PRELID2: variants seen among roughly 807,000 people sequenced by gnomAD.
PRELID2 encodes PRELI domain-containing protein 2.
Under a neutral mutation model 28.4 loss-of-function variants are expected in PRELID2, and 25 were observed. The observed-to-expected ratio is 0.88, with a 90% CI of 0.64 to 1.23. The LOEUF (loss-of-function observed/expected upper bound fraction) is 1.23, where lower values mean the gene tolerates loss of function less well. PRELID2 is among the 50% of genes most tolerant of loss of function. PRELID2 has a pLI of 0.00. For missense variants in PRELID2, 201 were observed against 214.4 expected, an observed-to-expected ratio of 0.94 and a Z score of 0.39; for synonymous variants, 76 against 71.6, an observed-to-expected ratio of 1.06 and a Z score of -0.31.
rs1350926723 is a variant in PRELID2 at position 145,821,973 on chromosome 5, C to T, written c.133+1104G>A. Among the ~76,000 whole-genome samples the T allele has an allele frequency of 2.6e-5, 4 of 152,254 alleles. No homozygotes were observed. The East Asian group carries it at 7.7e-4, about 29-fold the overall frequency. On this transcript the variant is annotated intron_variant, in intron 2 of 6. Transcript: ENST00000683046. ...GTCTGATGACAAATAATAAGTTTCTCTCACACTGCAGGTACATGAGAAAAT... is the reference window on the plus strand; with the variant it reads ...GTCTGATGACAAATAATAAGTTTCTTTCACACTGCAGGTACATGAGAAAAT...
chr5:145,364,868 G>A, the PRELID2 span, among the ~76,000 whole-genome samples: 1,065 of 151,998 alleles, frequency 7.0e-3, 3 homozygotes, highest in Non-Finnish European at 0.011. Context: ...AAGTCCTATC[G>A]AAAAGGATTT....
intron 1 of PRELID2, among the ~76,000 whole-genome samples, chr5:145,497,567 AG>A (rs1752319737): frequency 6.6e-6 from 1 of 152,128 alleles, no homozygotes; most frequent in Non-Finnish European, 1.5e-5. Context: ...TATTGTTTTC[AG>A]GGTTCCAGGT....
At chr5:145,831,833 T>G (rs1209433989) in intron 1 of PRELID2, among the ~76,000 whole-genome samples, 1 of 152,250 alleles carries the variant, frequency 6.6e-6, no homozygotes, top group Non-Finnish European at 1.5e-5. Context: ...TTATTCACTA[T>G]GTACCAGGTA....
chr5:145,440,967 A>G, the PRELID2 span: 1 of 152,110 alleles, frequency 6.6e-6, no homozygotes, highest in Admixed American at 6.6e-5. Flanking sequence ...GAAAATCATG[A>G]TGAGCAGTGT....
intron 1 of PRELID2, among the ~76,000 whole-genome samples, chr5:145,568,653 T>A (rs62392711): frequency 2.0e-5 from 3 of 152,214 alleles, no homozygotes; most frequent in Non-Finnish European, 2.9e-5. Flanking sequence ...AGAAAGATAG[T>A]GTTTGCTATT....
intron 1 of PRELID2, among the ~76,000 whole-genome samples, chr5:145,827,804 A>G (rs759657926): frequency 3.9e-5 from 6 of 152,178 alleles, no homozygotes; most frequent in Non-Finnish European, 7.4e-5. Context: ...ACCGTCCTAC[A>G]CTGCAGGACA....
In PRELID2 at chr5:145,582,963, C is replaced by T. The variant is rs975027567; in HGVS notation, n.71-109648G>A. Among the ~76,000 whole-genome samples the T allele has an allele frequency of 2.0e-5, 3 of 152,084 alleles. No homozygotes were observed. The South Asian group carries it at 6.2e-4, about 31-fold the overall frequency. On this transcript the variant is annotated intron_variant and non_coding_transcript_variant, in intron 1 of 2. Coordinates refer to the PRELID2 transcript ENST00000510259. Reference sequence around the variant, plus strand: ...TATGAGGCCAGCTTAATCCTGATACCAGCACCTAGCAGAGATGCAATTTAT... The same window carrying T: ...TATGAGGCCAGCTTAATCCTGATACTAGCACCTAGCAGAGATGCAATTTAT...
intron 1 of PRELID2, among the ~76,000 whole-genome samples, chr5:145,602,217 G>A (rs1468292566): frequency 6.6e-6 from 1 of 152,142 alleles, no homozygotes; most frequent in Non-Finnish European, 1.5e-5. Flanking sequence ...TGCTTTAGGT[G>A]ACCTCACAAA....
At chr5:145,529,183 A>C (rs777715261) in intron 1 of PRELID2, among the ~76,000 whole-genome samples, 28 of 152,312 alleles carry the variant, frequency 1.8e-4, no homozygotes, top group Non-Finnish European at 3.1e-4. Context: ...TTACTGTCAA[A>C]ATGCACATAC....
chr5:145,271,245 A>AT, the PRELID2 span, among the ~76,000 whole-genome samples: 24 of 151,764 alleles, frequency 1.6e-4, no homozygotes, highest in African/African-American at 5.6e-4. Context: ...ACTTATATAT[A>AT]TTTTTTTTGA....
At chr5:145,335,303 G>C in the PRELID2 span, among the ~76,000 whole-genome samples, 1 of 151,616 alleles carries the variant, frequency 6.6e-6, no homozygotes, top group Admixed American at 6.6e-5. Flanking sequence ...AGCTTCTTCT[G>C]TTTAGTCCTT....
At chr5:145,228,989 G>T in the PRELID2 span, 1 of 1,596,656 alleles carries the variant, frequency 6.3e-7, no homozygotes, top group Non-Finnish European at 8.6e-7. Flanking sequence ...CCAAAAAGGT[G>T]TTCATTGAGG....
chr5:145,556,223 A>G lies in PRELID2; in HGVS notation n.71-82908T>C, dbSNP rs924041233. 3.9e-5 allele frequency among the ~76,000 whole-genome samples: 6 copies of G among 152,134 alleles called. 1 individual carries two copies. The highest frequency in any genetic ancestry group is 3.9e-4 in the Admixed American group (6 of 15,284). The stretch of plus-strand genomic sequence containing the variant: ...GAAAAGAAAAGAAAACTTTTACTCA[A>G]ACTAGGTTGATTGGTTTTCTGCTGT... On this transcript the variant is annotated intron_variant and non_coding_transcript_variant, in intron 1 of 2. Coordinates refer to the PRELID2 transcript ENST00000510259.
At chr5:145,803,517 C>A (rs528025691) in intron 4 of PRELID2, among the ~76,000 whole-genome samples, 2 of 152,194 alleles carry the variant, frequency 1.3e-5, no homozygotes, top group Admixed American at 6.5e-5. Flanking sequence ...GCCTACCCAC[C>A]CACGTAGTAA....
the PRELID2 span, among the ~76,000 whole-genome samples, chr5:145,375,257 C>T: frequency 3.9e-5 from 6 of 152,002 alleles, no homozygotes; most frequent in South Asian, 2.1e-4. Context: ...GGTTTGCTGG[C>T]GTTTCACTTC....
the PRELID2 span, among the ~76,000 whole-genome samples, chr5:145,371,516 T>C: frequency 6.6e-6 from 1 of 152,136 alleles, no homozygotes; most frequent in Non-Finnish European, 1.5e-5. Flanking sequence ...GGTTTGCCAG[T>C]ATTTTATTGA....
intron 1 of PRELID2, among the ~76,000 whole-genome samples, chr5:145,554,477 C>T (rs761137881): frequency 6.6e-6 from 1 of 152,178 alleles, no homozygotes; most frequent in Non-Finnish European, 1.5e-5. Flanking sequence ...ATAGAAGCTG[C>T]ACTCAGACTG....
At chr5:145,817,220 A>ATATATATATATATATATATAT (rs1265574987) in intron 4 of PRELID2, among the ~76,000 whole-genome samples, 16 of 66,490 alleles carry the variant, frequency 2.4e-4, no homozygotes, top group East Asian at 6.3e-4. Flanking sequence ...AATAAAAAAA[A>ATATATATATATATATATATAT]ATATATATAT....
the PRELID2 span, among the ~76,000 whole-genome samples, chr5:145,458,032 G>T: frequency 1.3e-5 from 2 of 152,148 alleles, no homozygotes; most frequent in Non-Finnish European, 2.9e-5. Flanking sequence ...GTTCAGAGTA[G>T]ATTTAGAGAT....
Sources: allele counts gnomAD v4.1 joint callset (sites outside exome capture counted in the v4.1 genomes callset), GRCh38; gene constraint gnomAD v4.1.1; transcripts MANE v1.5; gene names NCBI Gene and HGNC (gene_info 2026-07-23, HGNC 2026-07-21).